Variants in DMRTB1 observed in about 807,000 individuals in gnomAD.
The protein encoded by DMRTB1 is DMRT like family B with proline rich C-terminal 1, also known as doublesex- and mab-3-related transcription factor B1.
DMRTB1 carries 9 observed loss-of-function variants against 25.2 expected under a neutral mutation model. That is an observed-to-expected ratio of 0.36 (90% CI 0.22 to 0.62). The LOEUF (loss-of-function observed/expected upper bound fraction) is 0.62, where lower values mean the gene tolerates loss of function less well. Among genes scored for constraint, DMRTB1 ranks in the 20% least tolerant of loss-of-function variants. The pLI, the probability that DMRTB1 is intolerant of heterozygous loss-of-function variation, is 0.71. For missense variants in DMRTB1, 551 were observed against 499.3 expected (o/e 1.10, Z -0.99); for synonymous variants, 269 against 238.1 (o/e 1.13, Z -1.20).
intron 2 of DMRTB1, 130 bp downstream of exon 2, chr1:53,461,775 G>GCA: frequency 4.3e-6 from 5 of 1,164,858 alleles, no homozygotes; most frequent in African/African-American, 1.6e-5. Context: ...CCGAGTGCTG[G>GCA]TGGAGGACTA....
In DMRTB1 at chr1:53,461,540, C is replaced by T. The variant is rs779531981; in HGVS notation, c.645C>T (p.His215=). The T allele has an allele frequency of 6.2e-7, 1 of 1,612,262 alleles. No individual in the cohort carries two copies. Among genetic ancestry groups the T allele is most frequent in the Non-Finnish European group, 8.5e-7 (1 of 1,179,234 alleles). Residue 215 remains histidine, a synonymous_variant, in exon 2 of 4, where the codon CAC becomes CAT. Transcript: ENST00000371445. ...GPEYPGGSSM[H]PYCPFPLGYL... ...AGTACCCTGGTGGCTCCAGCATGCACCCCTACTGCCCGTTCCCGCTGGGCT... is the reference window on the plus strand; with the variant it reads ...AGTACCCTGGTGGCTCCAGCATGCATCCCTACTGCCCGTTCCCGCTGGGCT...
intron 1 of DMRTB1, chr1:53,460,238 T>C (rs909636397): frequency 9.2e-6 from 6 of 650,442 alleles, no homozygotes; most frequent in African/African-American, 3.9e-5. Flanking sequence ...GAATGGGCGG[T>C]TCAGAGGGCT....
intron 1 of DMRTB1, 27 bp downstream of exon 1, chr1:53,460,057 C>G (rs750656640): frequency 4.8e-5 from 73 of 1,532,662 alleles, no homozygotes; most frequent in Non-Finnish European, 5.7e-5. Context: ...GTCCCGCGGT[C>G]GACTCCCGGA....
At chr1:53,464,885 A>C in intron 3 of DMRTB1, 38 bp downstream of exon 3, 1 of 1,612,356 alleles carries the variant, frequency 6.2e-7, no homozygotes, top group Non-Finnish European at 8.5e-7. Flanking sequence ...AGCGAGAGCC[A>C]GGGAGACTTT....
In DMRTB1 at chr1:53,464,652, G is replaced by A; in HGVS notation, c.766G>A (p.Gly256Arg). The A allele has an allele frequency of 6.2e-7, 1 of 1,613,592 alleles. No individual in the cohort carries two copies. The highest frequency in any genetic ancestry group is 8.5e-7 in the Non-Finnish European group (1 of 1,180,030). Residue 256 changes from glycine (G) to arginine (R), a missense_variant, in exon 3 of 4, where the codon GGA (glycine) becomes AGA (arginine). Transcript: ENST00000371445. ...TGCCGTGCAGGTGTCAGAACCAGGA[G>A]GAGACTTCCAGCCAAGCTACTACCT... ...QGGGLVSEPG[G>R]DFQPSYYLPP...
At position 53,459,769 on chromosome 1, in the gene DMRTB1, G is replaced by A; in HGVS notation, c.316G>A (p.Asp106Asn). 1 of 1,376,270 alleles carries A rather than the reference G, an allele frequency of 7.3e-7. No individual in the cohort carries two copies. The highest frequency in any genetic ancestry group is 9.4e-7 in the Non-Finnish European group (1 of 1,067,588). The allele number at this position is 1,376,270 out of a possible 1,614,324, so 85.3% of individuals were successfully genotyped here. A position where few individuals can be genotyped will look rare whatever the true frequency, so the allele number is the denominator to read the frequency against. ...RPLSPGTPSG[D>N]ADPGPEGRAA... ...GCTGTCCCCGGGGACTCCCTCCGGA[G>A]ACGCCGACCCGGGACCCGAGGGCCG... The change falls in exon 1 of 4, where the codon GAC becomes AAC. Residue 106 changes from aspartate to asparagine, a missense_variant. Physicochemically the swap from Asp to Asn is conservative, Grantham distance 23 (BLOSUM62 1). Transcript: ENST00000371445.
chr1:53,461,165 C>CGGAGGA (rs145765358), intron 1 of DMRTB1, among the ~76,000 whole-genome samples: 2 of 152,016 alleles, frequency 1.3e-5, no homozygotes, highest in Non-Finnish European at 1.5e-5. Flanking sequence ...CACTGTGACC[C>CGGAGGA]GGAGGAGGAG....
chr1:53,466,636 C>T lies in DMRTB1; in HGVS notation c.1003C>T (p.Pro335Ser), dbSNP rs778711933. Reference protein sequence around the residue: ...AEVLSGEPSQPSSQEQSD With the variant: ...AEVLSGEPSQSSSQEQSD Reference sequence around the variant, plus strand: ...GGTACTGTCGGGTGAGCCCAGCCAGCCATCGTCTCAGGAGCAGTCCGACTA... The same window carrying T: ...GGTACTGTCGGGTGAGCCCAGCCAGTCATCGTCTCAGGAGCAGTCCGACTA... The change falls in exon 4 of 4, where the codon CCA becomes TCA. Residue 335 changes from proline to serine, a missense_variant. Physicochemically the swap from Pro to Ser is moderately conservative, Grantham distance 74 (BLOSUM62 -1). Coordinates refer to ENST00000371445, the MANE Select transcript of DMRTB1 (RefSeq NM_033067.3). The T allele has an allele frequency of 6.2e-7, 1 of 1,614,228 alleles. No individual in the cohort carries two copies. Among genetic ancestry groups the T allele is most frequent in the Admixed American group, 1.7e-5 (1 of 60,018 alleles).
In DMRTB1 at chr1:53,466,733, A is replaced by T. The variant is rs1430013805; in HGVS notation, c.*71A>T. 1.0e-5 allele frequency: 15 copies of T among 1,468,288 alleles called. No homozygotes were observed. The highest frequency in any genetic ancestry group is 1.4e-5 in the Non-Finnish European group (15 of 1,052,262). 91.0% of individuals were successfully genotyped at this position (1,468,288 alleles called of 1,614,324 possible). ...CAACAGCAACAGTTTTCTTGTCTTC[A>T]TTCAGTGATATGTAGGGAGGAAGGA... On this transcript the variant is annotated 3_prime_UTR_variant, in exon 4 of 4. Transcript: ENST00000371445.
intron 2 of DMRTB1, among the ~76,000 whole-genome samples, chr1:53,461,880 C>T (rs1644024995): frequency 6.6e-6 from 1 of 152,210 alleles, no homozygotes; most frequent in South Asian, 2.1e-4. Flanking sequence ...CTTTTCAGGG[C>T]AGTGGGCTGA....
At chr1:53,466,140 G>C (rs1644048779) in intron 3 of DMRTB1, among the ~76,000 whole-genome samples, 1 of 152,186 alleles carries the variant, frequency 6.6e-6, no homozygotes, top group Non-Finnish European at 1.5e-5. Context: ...CGCCTAACAA[G>C]TTAAAGAAAA....
rs775804209 is a variant in DMRTB1, at chr1:53,459,437, G to C, written c.-17G>C. On this transcript the variant is annotated 5_prime_UTR_variant, in exon 1 of 4. Transcript: ENST00000371445. ...CTCCCAGAGGTGGTGGTTGTGTTACGAAGGCTGACCCTGCCAATGGCCGAC... is the reference window on the plus strand; with the variant it reads ...CTCCCAGAGGTGGTGGTTGTGTTACCAAGGCTGACCCTGCCAATGGCCGAC... 1 of 1,612,852 alleles carries C rather than the reference G, an allele frequency of 6.2e-7. No homozygotes were observed. The highest frequency in any genetic ancestry group is 1.3e-5 in the African/African-American group (1 of 75,042).
At chr1:53,460,420 CAG>C (rs1327587156) in intron 1 of DMRTB1, 3 of 166,812 alleles carry the variant, frequency 1.8e-5, no homozygotes, top group Non-Finnish European at 3.9e-5. Flanking sequence ...TCCAGAATAA[CAG>C]AATTTTCCTG....
chr1:53,461,176 G>A (rs1396051037), intron 1 of DMRTB1, among the ~76,000 whole-genome samples: 1 of 152,194 alleles, frequency 6.6e-6, no homozygotes, highest in African/African-American at 2.4e-5. Context: ...GGAGGAGGAG[G>A]AGGAGCTCGG....
chr1:53,462,205 G>A (rs561116805), intron 2 of DMRTB1, among the ~76,000 whole-genome samples: 25 of 152,336 alleles, frequency 1.6e-4, no homozygotes, highest in Non-Finnish European at 2.6e-4. Context: ...AAGGTCAGTC[G>A]TTAGCTGGTA....
intron 2 of DMRTB1, among the ~76,000 whole-genome samples, chr1:53,462,055 C>A (rs1228831169): frequency 6.6e-6 from 1 of 152,180 alleles, no homozygotes; most frequent in Non-Finnish European, 1.5e-5. Context: ...GTATAGCACA[C>A]TTGAGACTGC....
chr1:53,463,790 T>A (rs1108989), intron 2 of DMRTB1, among the ~76,000 whole-genome samples: 58,967 of 152,116 alleles, frequency 0.39, 13,973 homozygotes, highest in African/African-American at 0.67. Flanking sequence ...CAGCTCAGGA[T>A]GTGTTGCTCT....
At chr1:53,460,937 C>T (rs1319143768) in intron 1 of DMRTB1, among the ~76,000 whole-genome samples, 1 of 152,198 alleles carries the variant, frequency 6.6e-6, no homozygotes, top group Non-Finnish European at 1.5e-5. Flanking sequence ...TCCCATCTGA[C>T]AGGGTCACAG....
chr1:53,462,283 G>C (rs74506206), intron 2 of DMRTB1, among the ~76,000 whole-genome samples: 7,437 of 152,246 alleles, frequency 0.049, 590 homozygotes, highest in African/African-American at 0.17. Context: ...TGTGTACTAC[G>C]AGGCAGGTGT....
Sources: gnomAD v4.1 joint callset for allele counts (sites outside exome capture counted in the v4.1 genomes callset) on GRCh38, gnomAD v4.1.1 for gene constraint, MANE v1.5 for transcripts, NCBI Gene and HGNC (gene_info 2026-07-23, HGNC 2026-07-21) for gene names.